Variants in JAG2 observed in about 807,000 individuals in gnomAD.
The protein encoded by JAG2 is jagged canonical Notch ligand 2, also known as protein jagged-2.
A neutral mutation model predicts 141.7 loss-of-function variants in JAG2; 46 were observed. The observed-to-expected ratio is 0.32, with a 90% CI of 0.26 to 0.42. JAG2 has a LOEUF of 0.42. Ranked by LOEUF, JAG2 falls within the 10% of genes least tolerant of loss-of-function variation. The pLI is 1.00. For missense variants in JAG2, 1,500 were observed against 1,817.5 expected (o/e 0.83, Z 3.18); for synonymous variants, 862 against 763.5 (o/e 1.13, Z -2.13).
intron 24 of JAG2, among the ~76,000 whole-genome samples, chr14:105,144,277 T>G (rs1268110059): frequency 1.4e-5 from 2 of 147,810 alleles, no homozygotes; most frequent in African/African-American, 5.0e-5. Flanking sequence ...GATGGCGCCC[T>G]GACCTGTGCT....
rs887241936 is a variant in JAG2 at position 105,155,904 on chromosome 14, C to A, written c.561G>T (p.Val187=). The change falls in exon 4 of 26, where the codon GTG becomes GTT. Residue 187 remains valine (V), a synonymous_variant. Transcript: ENST00000331782. ...RWKSLHFSGH[V]AHLELQIRVR... is the part of the protein sequence containing the mutation. ...CGCGGATCTGCAGCTCCAGGTGCGC[C>A]ACGTGGCCGCTGAAGTGCAGGCTCT... 1.2e-6 allele frequency: 2 copies of A among 1,612,090 alleles called. No individual in the cohort carries two copies. The highest frequency in any genetic ancestry group is 1.7e-6 in the Non-Finnish European group (2 of 1,179,758).
intron 2 of JAG2, among the ~76,000 whole-genome samples, chr14:105,162,669 G>T (rs1888785839): frequency 2.1e-5 from 3 of 146,320 alleles, no homozygotes; most frequent in Non-Finnish European, 4.4e-5. Flanking sequence ...TTAAAGCCCA[G>T]GACACCTCAG....
In JAG2 at chr14:105,144,965, C is replaced by A. The variant is rs1193528075; in HGVS notation, c.3049G>T (p.Ala1017Ser). 6.2e-7 allele frequency: 1 copy of A among 1,605,104 alleles called. No individual in the cohort carries two copies. Among genetic ancestry groups the A allele is most frequent in the Admixed American group, 1.7e-5 (1 of 59,592 alleles). The change falls in exon 24 of 26, where the codon GCG (alanine) becomes TCG (serine). Residue 1017 changes from alanine (A) to serine (S), a missense_variant. Coordinates refer to ENST00000331782, the MANE Select transcript of JAG2 (RefSeq NM_002226.5). ...DRLLVLLCDR[A>S]SSGASAVEVA... Reference sequence around the variant, plus strand: ...TCCACAGCACTGGCCCCCGAGGACGCCCGGTCGCAAAGCAACACCAGCAGG... The same window carrying A: ...TCCACAGCACTGGCCCCCGAGGACGACCGGTCGCAAAGCAACACCAGCAGG...
rs775419076 is a variant in JAG2 at position 105,148,989 on chromosome 14, G to A, written c.1854C>T (p.Gly618=). The change falls in exon 14 of 26, where the codon GGC becomes GGT. Residue 618 remains glycine (G), a synonymous_variant. Transcript: ENST00000331782. The stretch of plus-strand genomic sequence containing the variant: ...CACTGTCACAGATGCAGGAAAAGTT[G>A]CCCCCTGGCTGGCTGACGCAGCGTC... ...PHGRCVSQPG[G]NFSCICDSGF... The A allele has an allele frequency of 2.7e-5, 43 of 1,607,740 alleles. No homozygotes were observed. In the East Asian group the frequency reaches 8.1e-4, roughly 30 times the overall value.
chr14:105,148,401 C>T lies in JAG2; in HGVS notation c.2059G>A (p.Gly687Ser). Residue 687 changes from glycine (G) to serine (S), a missense_variant, in exon 16 of 26, where the codon GGC (glycine) becomes AGC (serine). Physicochemically the swap from Gly to Ser is moderately conservative, Grantham distance 56. Coordinates refer to ENST00000331782, the MANE Select transcript of JAG2 (RefSeq NM_002226.5). ...DCLPDPCHSR[G>S]RCYDLVNDFY... is the part of the protein sequence containing the mutation. Reference sequence around the variant, plus strand: ...TCATTGACCAGGTCGTAGCAGCGGCCGCGGCTGTGGCAGGGATCGGGAAGG... The same window carrying T: ...TCATTGACCAGGTCGTAGCAGCGGCTGCGGCTGTGGCAGGGATCGGGAAGG... The T allele has an allele frequency of 2.5e-6, 4 of 1,612,088 alleles. No homozygotes were observed. Among genetic ancestry groups the T allele is most frequent in the Non-Finnish European group, 3.4e-6 (4 of 1,179,532 alleles).
Position 105,147,559 on chromosome 14 carries a change from G to A in JAG2, c.2366-32C>T, listed in dbSNP as rs1222909336. ...TGGGAGAAGAGAACGCAGGGGATCA[G>A]TACCCACCCCCCAAGCGTGCCAGGC... is the stretch of plus-strand genomic sequence containing the variant. On this transcript the variant is annotated intron_variant, in intron 18 of 25. Transcript: ENST00000331782. 11 of 1,605,432 alleles carry A rather than the reference G, an allele frequency of 6.9e-6. No homozygotes were observed. In the Admixed American group the frequency reaches 1.5e-4, roughly 22 times the overall value.
intron 23 of JAG2, 119 bp downstream of exon 23, chr14:105,145,610 CAA>C: frequency 7.7e-7 from 1 of 1,296,750 alleles, no homozygotes; most frequent in South Asian, 1.4e-5. Flanking sequence ...TCTCTGTGAC[CAA>C]GAGTGACTCT....
chr14:105,163,721 G>A (rs1888827168), intron 2 of JAG2, among the ~76,000 whole-genome samples: 1 of 151,618 alleles, frequency 6.6e-6, no homozygotes, highest in East Asian at 2.0e-4. Flanking sequence ...TAGGCCTCAG[G>A]TCTGCAGACA....
chr14:105,143,346 G>A (rs587634498), intron 25 of JAG2, 136 bp downstream of exon 25: 1 of 1,286,090 alleles, frequency 7.8e-7, no homozygotes, highest in Non-Finnish European at 1.1e-6. Flanking sequence ...TTGTGGGGCT[G>A]GGCGGCTGGG....
chr14:105,163,143 A>G (rs1461477827), intron 2 of JAG2, among the ~76,000 whole-genome samples: 1 of 152,190 alleles, frequency 6.6e-6, no homozygotes, highest in Non-Finnish European at 1.5e-5. Context: ...CCCCCTACGG[A>G]GCACAGCGCT....
chr14:105,148,094 A>G, intron 17 of JAG2, 22 bp downstream of exon 17: 2 of 1,525,946 alleles, frequency 1.3e-6, no homozygotes, highest in Non-Finnish European at 1.8e-6. Context: ...CGGCGGTCGC[A>G]GAGGCAGCGG....
chr14:105,149,105 C>T lies in JAG2; in HGVS notation c.1754-16G>A, dbSNP rs747954705. 4.5e-5 allele frequency: 72 copies of T among 1,605,206 alleles called. No homozygotes were observed. The highest frequency in any genetic ancestry group is 5.6e-5 in the Non-Finnish European group (66 of 1,177,384). ...CCATCGATCACTATGGCAGGCAGTA[C>T]AGTCAGGAGTCAGGCCCGCCCCTGC... On this transcript the variant is annotated splice_polypyrimidine_tract_variant and intron_variant, in intron 13 of 25. Coordinates refer to ENST00000331782, the MANE Select transcript of JAG2 (RefSeq NM_002226.5).
In JAG2 at chr14:105,154,364, T is replaced by C. The variant is rs1282997065; in HGVS notation, c.788+1198A>G. On this transcript the variant is annotated intron_variant, in intron 5 of 25. Transcript: ENST00000331782. This position sits in a 1 kb window ranked among gnomAD's most constrained non-coding sequence, Gnocchi z 4.4. ...GTCTCTCCACCCGCTCGCGCCCCTCTCTCGGGCTCCCCAGCTTGCTCACGC... is the reference window on the plus strand; with the variant it reads ...GTCTCTCCACCCGCTCGCGCCCCTCCCTCGGGCTCCCCAGCTTGCTCACGC... Among the ~76,000 whole-genome samples the C allele has an allele frequency of 6.6e-6, 1 of 151,970 alleles. No individual in the cohort carries two copies. Among genetic ancestry groups the C allele is most frequent in the Non-Finnish European group, 1.5e-5 (1 of 67,992 alleles).
chr14:105,162,245 G>T (rs958287156), intron 2 of JAG2, among the ~76,000 whole-genome samples: 4 of 152,026 alleles, frequency 2.6e-5, no homozygotes, highest in African/African-American at 7.3e-5. Context: ...CACCCCTGCA[G>T]GCCCAGCTAA....
intron 17 of JAG2, 105 bp from the exon 18 acceptor site, chr14:105,147,993 G>A: frequency 8.9e-7 from 1 of 1,124,392 alleles, no homozygotes; most frequent in Non-Finnish European, 1.3e-6. Context: ...CCCGGGGGCA[G>A]GGGGCAGGGG....
rs1025522353 is a variant in JAG2 at position 105,150,691 on chromosome 14, G to T, written c.1515C>A (p.Ser505Arg). 8 of 1,554,564 alleles carry T rather than the reference G, an allele frequency of 5.1e-6. No homozygotes were observed. The Admixed American group carries it at 5.8e-5, about 11-fold the overall frequency. The change falls in exon 12 of 26, where the codon AGC (serine) becomes AGA (arginine). Residue 505 changes from serine (S) to arginine (R), a missense_variant. Ser to Arg is a moderately radical substitution (Grantham distance 110). This residue lies in a region of JAG2 where 875 missense variants were observed against 1,202.2 expected (regional missense o/e 0.73). Transcript: ENST00000331782. ...CELERDECAS[S>R]PCHSGGLCED... Reference sequence around the variant, plus strand: ...CGCAGAGGCCGCCGCTGTGGCAGGGGCTGCTGGCACACTCGTCTCGTTCCA... The same window carrying T: ...CGCAGAGGCCGCCGCTGTGGCAGGGTCTGCTGGCACACTCGTCTCGTTCCA...
At chr14:105,159,677 C>G (rs1315968184) in intron 2 of JAG2, among the ~76,000 whole-genome samples, 1 of 136,088 alleles carries the variant, frequency 7.3e-6, no homozygotes, top group Admixed American at 7.2e-5. Flanking sequence ...TCCATCACCT[C>G]CCCAGGGCTC....
rs1397898845 is a variant in JAG2, at chr14:105,143,053, C to T, written c.3359G>A (p.Arg1120Gln). 16 of 1,602,678 alleles carry T rather than the reference C, an allele frequency of 1.0e-5. No individual in the cohort carries two copies. The highest frequency in any genetic ancestry group is 5.0e-5 in the Admixed American group (3 of 59,968). Residue 1120 changes from arginine to glutamine, a missense_variant, in exon 26 of 26, where the codon CGG (arginine) becomes CAG (glutamine). Coordinates refer to ENST00000331782, the MANE Select transcript of JAG2 (RefSeq NM_002226.5). ...CCACTGGTTGTTGGCGCTCTCCTCCCGCGGCAGCCGGCTCCTCTCCCGCTC... is the reference window on the plus strand; with the variant it reads ...CCACTGGTTGTTGGCGCTCTCCTCCTGCGGCAGCCGGCTCCTCTCCCGCTC... Reference protein sequence around the residue: ...RKERERSRLPREESANNQWAP... With the variant: ...RKERERSRLPQEESANNQWAP...
Position 105,168,457 on chromosome 14 carries a change from CG to C in JAG2, c.-38del. Reference sequence around the variant, plus strand: ...CCCGCCCGCCCGGCCCCGCCGCCGCCGCCCGCGCCCGGCTCCCAGCCGCCGC... The same window carrying C: ...CCCGCCCGCCCGGCCCCGCCGCCGCCCCCGCGCCCGGCTCCCAGCCGCCGC... On this transcript the variant is annotated 5_prime_UTR_variant, in exon 1 of 26. Transcript: ENST00000331782. The C allele has an allele frequency of 1.6e-6, 1 of 618,824 alleles. No homozygotes were observed. Among genetic ancestry groups the C allele is most frequent in the East Asian group, 1.4e-4 (1 of 7,110 alleles). 38.3% of individuals were successfully genotyped at this position (618,824 alleles called of 1,614,324 possible).
Sources: allele counts gnomAD v4.1 joint callset (sites outside exome capture counted in the v4.1 genomes callset), GRCh38; gene constraint gnomAD v4.1.1; regional missense constraint gnomAD v4.1.1; non-coding constraint Gnocchi (gnomAD v3.1); transcripts MANE v1.5; gene names NCBI Gene and HGNC (gene_info 2026-07-23, HGNC 2026-07-21).